PTPRN2: variants seen among roughly 807,000 people sequenced by gnomAD.
PTPRN2 encodes protein tyrosine phosphatase receptor type N2.
A neutral mutation model predicts 118.8 loss-of-function variants in PTPRN2; 74 were observed. The observed-to-expected ratio is 0.62, with a 90% confidence interval of 0.52 to 0.76. The LOEUF is 0.76. PTPRN2 is among the 30% of genes least tolerant of loss of function. The pLI, the probability that PTPRN2 is intolerant of heterozygous loss-of-function variation, is 0.00. For synonymous variants in PTPRN2, 641 were observed against 608.0 expected, an observed-to-expected ratio of 1.05 and a Z score of -0.80; for missense variants, 1,481 against 1,394.4, an observed-to-expected ratio of 1.06 and a Z score of -0.99.
intron 12 of PTPRN2, among the ~76,000 whole-genome samples, chr7:157,828,609 T>C (rs186509836): frequency 7.9e-6 from 1 of 126,464 alleles, no homozygotes; most frequent in Non-Finnish European, 1.6e-5. Context: ...ACTGCAGGTA[T>C]GATCACAGCA....
intron 6 of PTPRN2, among the ~76,000 whole-genome samples, chr7:158,165,813 G>A (rs144955378): frequency 9.8e-5 from 15 of 152,296 alleles, no homozygotes; most frequent in African/African-American, 3.6e-4. Flanking sequence ...GCAGGAACCC[G>A]CAAACGCCTT....
intron 8 of PTPRN2, among the ~76,000 whole-genome samples, chr7:158,136,273 C>T (rs1275669801): frequency 6.6e-6 from 1 of 152,192 alleles, no homozygotes; most frequent in African/African-American, 2.4e-5. Context: ...ACGGGACAGC[C>T]AGGTGTGAGT....
At chr7:157,554,719 CAAAG>C (rs1444378083) in intron 21 of PTPRN2, among the ~76,000 whole-genome samples, 1 of 152,148 alleles carries the variant, frequency 6.6e-6, no homozygotes, top group Non-Finnish European at 1.5e-5. Flanking sequence ...AGCGCACACA[CAAAG>C]AAAATCCAGA....
chr7:157,685,899 C>T (rs1292491018), intron 12 of PTPRN2, among the ~76,000 whole-genome samples: 1 of 152,134 alleles, frequency 6.6e-6, no homozygotes, highest in Non-Finnish European at 1.5e-5. Flanking sequence ...TAGGCCCGCG[C>T]TGTCCCAGCA....
intron 3 of PTPRN2, among the ~76,000 whole-genome samples, chr7:158,270,196 C>G (rs931660694): frequency 1.3e-5 from 2 of 152,264 alleles, no homozygotes; most frequent in African/African-American, 4.8e-5. Flanking sequence ...CCAGCAGTGA[C>G]TCAGGGCCTG....
In PTPRN2 at chr7:157,903,494, G is replaced by A. The variant is rs79400851; in HGVS notation, c.1724-4757C>T. On this transcript the variant is annotated intron_variant, in intron 11 of 22. Transcript: ENST00000389418. The surrounding 1 kb of genome is among the most constrained non-coding windows in gnomAD (Gnocchi z 4.2). ...AATAAAAGCTGAAAATTAAAAATACGGATAAGTGAACAGATGTGCCACCGA... is the reference window on the plus strand; with the variant it reads ...AATAAAAGCTGAAAATTAAAAATACAGATAAGTGAACAGATGTGCCACCGA... 5.1e-3 allele frequency among the ~76,000 whole-genome samples: 782 copies of A among 152,086 alleles called. 6 individuals are homozygous for A. The highest frequency in any genetic ancestry group is 0.018 in the African/African-American group (749 of 41,478).
intron 3 of PTPRN2, among the ~76,000 whole-genome samples, chr7:158,255,701 C>T (rs988257276): frequency 3.9e-5 from 6 of 152,122 alleles, no homozygotes; most frequent in Admixed American, 6.6e-5. Context: ...CTGTGCTGTC[C>T]GCCGCACCCT....
rs111943104 is a variant in PTPRN2, at chr7:157,890,093, G to A, written c.1788+8580C>T. ...AGTCAGTTTTTTTTTTTTGGTGAAG[G>A]TTTTGTTTTTCTGATTTCCTTGCTC... On this transcript the variant is annotated intron_variant, in intron 12 of 22. Coordinates refer to ENST00000389418, the MANE Select transcript of PTPRN2 (RefSeq NM_002847.5). Among the ~76,000 whole-genome samples the A allele has an allele frequency of 9.9e-3, 1,499 of 151,818 alleles. 23 individuals are homozygous for A. Among genetic ancestry groups the A allele is most frequent in the African/African-American group, 0.035 (1,434 of 41,360 alleles).
rs1442455296 is a variant in PTPRN2, at chr7:157,560,433, C to T, written c.2902+8469G>A. Among the ~76,000 whole-genome samples the T allele has an allele frequency of 1.3e-5, 2 of 152,186 alleles. No individual in the cohort carries two copies. Among genetic ancestry groups the T allele is most frequent in the South Asian group, 2.1e-4 (1 of 4,836 alleles). On this transcript the variant is annotated intron_variant, in intron 21 of 22. Coordinates refer to ENST00000389418, the MANE Select transcript of PTPRN2 (RefSeq NM_002847.5). This position sits in a 1 kb window ranked among gnomAD's most constrained non-coding sequence, Gnocchi z 6.7. The stretch of plus-strand genomic sequence containing the variant: ...CCACCAGGCGATCGACACCAGGGTC[C>T]GCCTGTGCCCTGCCTGGGTGGGGTC...
At position 158,413,618 on chromosome 7, in the gene PTPRN2, C is replaced by T. The variant is rs576839216; in HGVS notation, c.163+76117G>A. ...GGAAAGCCCCGTGTGGGCTCCATGG[C>T]GACCTCAGCAGGCGAGCCCACCCCT... On this transcript the variant is annotated intron_variant, in intron 2 of 22. Transcript: ENST00000389418. 2.3e-4 allele frequency among the ~76,000 whole-genome samples: 35 copies of T among 152,334 alleles called. 1 individual carries two copies. Among genetic ancestry groups the T allele is most frequent in the Admixed American group, 1.1e-3 (17 of 15,304 alleles).
intron 2 of PTPRN2, among the ~76,000 whole-genome samples, chr7:158,467,525 G>C (rs1009072527): frequency 6.6e-6 from 1 of 152,026 alleles, no homozygotes; most frequent in Non-Finnish European, 1.5e-5. Context: ...ACTTCTTGCC[G>C]AGACCAATGT....
intron 12 of PTPRN2, among the ~76,000 whole-genome samples, chr7:157,817,080 G>A (rs928859212): frequency 6.6e-5 from 10 of 152,310 alleles, no homozygotes; most frequent in African/African-American, 2.2e-4. Context: ...GCTGTGCACC[G>A]GGGGTGTCGG....
At chr7:158,030,670 A>C (rs1807621497) in intron 11 of PTPRN2, 1 of 152,552 alleles carries the variant, frequency 6.6e-6, no homozygotes, top group Non-Finnish European at 1.5e-5. Flanking sequence ...CTGTAAGCCG[A>C]GGAATGGCAG....
intron 15 of PTPRN2, among the ~76,000 whole-genome samples, chr7:157,613,090 GC>G (rs61167784): frequency 0.066 from 10,021 of 152,146 alleles, 490 homozygotes; most frequent in East Asian, 0.26. Flanking sequence ...ACAGGGCAGC[GC>G]CCCCCGCATC....
At chr7:158,510,191 A>C (rs1436025746) in intron 1 of PTPRN2, among the ~76,000 whole-genome samples, 1 of 152,194 alleles carries the variant, frequency 6.6e-6, no homozygotes, top group Non-Finnish European at 1.5e-5. Context: ...GCCCGGTTCT[A>C]TCAGGGAATA....
At chr7:157,793,953 G>A (rs926132393) in intron 12 of PTPRN2, among the ~76,000 whole-genome samples, 9 of 152,238 alleles carry the variant, frequency 5.9e-5, no homozygotes, top group Middle Eastern at 3.4e-3. Flanking sequence ...CAAGGCTTTC[G>A]GTGTTTCTGA....
At chr7:158,155,460 C>CCATCATCAT (rs1222475914) in intron 6 of PTPRN2, among the ~76,000 whole-genome samples, 2 of 151,050 alleles carry the variant, frequency 1.3e-5, no homozygotes, top group African/African-American at 4.9e-5. Context: ...ACCATCATCA[C>CCATCATCAT]CATCATCATC....
At chr7:158,089,750 A>AC (rs1813888471) in intron 10 of PTPRN2, among the ~76,000 whole-genome samples, 6 of 141,086 alleles carry the variant, frequency 4.3e-5, no homozygotes, top group South Asian at 2.2e-4. Context: ...CTTCACACAA[A>AC]CCTTCTTCCC....
At chr7:158,324,850 A>T (rs959661757) in intron 2 of PTPRN2, among the ~76,000 whole-genome samples, 3 of 152,104 alleles carry the variant, frequency 2.0e-5, no homozygotes, top group African/African-American at 4.8e-5. Context: ...CCCTGTGAGG[A>T]AAGTACTCTT....
Sources: allele counts gnomAD v4.1 joint callset (sites outside exome capture counted in the v4.1 genomes callset), GRCh38; gene constraint gnomAD v4.1.1; non-coding constraint Gnocchi (gnomAD v3.1); transcripts MANE v1.5; gene names NCBI Gene and HGNC (gene_info 2026-07-23, HGNC 2026-07-21).